CCDC7: variants seen among roughly 807,000 people sequenced by gnomAD.
The protein encoded by CCDC7 is coiled-coil domain containing 7, also known as coiled-coil domain-containing protein 7.
Under a neutral mutation model 196.9 loss-of-function variants are expected in CCDC7, and 183 were observed. That is an observed-to-expected ratio of 0.93 (90% CI 0.82 to 1.05). The LOEUF (loss-of-function observed/expected upper bound fraction) is 1.05. Among genes scored for constraint, CCDC7 ranks in the 50% least tolerant of loss-of-function variants. The probability of loss-of-function intolerance (pLI) is 0.00; values close to 1 mark genes in which losing one functional copy is unlikely to be tolerated. For missense variants in CCDC7, 1,540 were observed against 1,482.2 expected (o/e 1.04, Z -0.64); for synonymous variants, 525 against 484.6 (o/e 1.08, Z -1.10).
chr10:32,542,949 G>A (rs1292452386), intron 11 of CCDC7, among the ~76,000 whole-genome samples: 1 of 152,018 alleles, frequency 6.6e-6, no homozygotes, highest in Non-Finnish European at 1.5e-5. Flanking sequence ...TGCAAGATGT[G>A]CACCTAACCC....
At chr10:32,557,663 A>T (rs1202672310) in intron 13 of CCDC7, among the ~76,000 whole-genome samples, 1 of 152,162 alleles carries the variant, frequency 6.6e-6, no homozygotes, top group Non-Finnish European at 1.5e-5. Flanking sequence ...TTCAGATATT[A>T]TGATTTTCAG....
intron 24 of CCDC7, among the ~76,000 whole-genome samples, chr10:32,702,474 T>C (rs1029466070): frequency 3.3e-5 from 5 of 152,224 alleles, no homozygotes; most frequent in African/African-American, 1.2e-4. Context: ...TGTGGTGTGA[T>C]GCTGAGAAGA....
chr10:32,476,471 T>G (rs1055605931), intron 8 of CCDC7, among the ~76,000 whole-genome samples: 1 of 152,234 alleles, frequency 6.6e-6, no homozygotes, highest in Admixed American at 6.5e-5. Context: ...TGAAAGGGCA[T>G]CTTGGTTGTT....
Position 32,583,274 on chromosome 10 carries a change from CA to C in CCDC7, c.1696del (p.Ile566PhefsTer22), listed in dbSNP as rs1451557689. 5.7e-6 allele frequency: 7 copies of C among 1,231,204 alleles called. No homozygotes were observed. The Admixed American group carries it at 1.7e-4, about 30-fold the overall frequency. The allele number at this position is 1,231,204 out of a possible 1,614,324, so 76.3% of individuals were successfully genotyped here. A position where few individuals can be genotyped will look rare whatever the true frequency, so the allele number is the denominator to read the frequency against. On this transcript the variant is annotated frameshift_variant, in exon 17 of 42. Coordinates refer to ENST00000639629, the Ensembl canonical transcript of CCDC7. The stretch of plus-strand genomic sequence containing the variant: ...AAAACGAAACAGTGATATCACCATT[CA>C]TTTTACCTCCTGTTCTTACAGAAAG...
chr10:32,564,528 A>T (rs2056418944), intron 13 of CCDC7, among the ~76,000 whole-genome samples: 1 of 152,114 alleles, frequency 6.6e-6, no homozygotes. Context: ...GGAAATCATC[A>T]TTCTCAGTAA....
intron 11 of CCDC7, among the ~76,000 whole-genome samples, chr10:32,542,217 C>A (rs1393031817): frequency 6.6e-6 from 1 of 152,108 alleles, no homozygotes; most frequent in Non-Finnish European, 1.5e-5. Context: ...TACTTTAAAA[C>A]CTGATTAGTT....
Position 32,596,975 on chromosome 10 carries a change from A to T in CCDC7, c.1801+12671A>T, listed in dbSNP as rs539557074. Among the ~76,000 whole-genome samples, 11 of 152,070 alleles carry T rather than the reference A, an allele frequency of 7.2e-5. No homozygotes were observed. The South Asian group carries it at 8.3e-4, about 12-fold the overall frequency. On this transcript the variant is annotated intron_variant, in intron 18 of 41. Transcript: ENST00000639629. ...TAACATTTTTTTGTTTTTCATTTCA[A>T]CGTTGGTGAATTTGACAATTATGCG...
At chr10:32,711,758 T>C (rs2080872994) in intron 25 of CCDC7, 28 bp downstream of exon 26, 1 of 1,326,014 alleles carries the variant, frequency 7.5e-7, no homozygotes, top group African/African-American at 1.5e-5. Flanking sequence ...AGCTATTTTA[T>C]ATTATTTTAA....
intron 20 of CCDC7, among the ~76,000 whole-genome samples, chr10:32,639,341 G>T (rs1470013797): frequency 3.3e-5 from 5 of 151,956 alleles, no homozygotes; most frequent in Non-Finnish European, 5.9e-5. Flanking sequence ...GTCCATTTTA[G>T]ATCTTTCCTG....
At chr10:32,719,837 T>C (rs1322111846) in intron 25 of CCDC7, among the ~76,000 whole-genome samples, 1 of 152,064 alleles carries the variant, frequency 6.6e-6, no homozygotes, top group Non-Finnish European at 1.5e-5. Flanking sequence ...TCACATCAAT[T>C]AGAATGGTGA....
At chr10:32,654,420 G>C (rs1195559272) in intron 20 of CCDC7, among the ~76,000 whole-genome samples, 5 of 152,132 alleles carry the variant, frequency 3.3e-5, no homozygotes, top group Non-Finnish European at 7.3e-5. Context: ...TAAATAATAT[G>C]ATGTGAAATT....
chr10:32,666,976 G>T (rs2072916241), intron 21 of CCDC7, among the ~76,000 whole-genome samples: 1 of 152,160 alleles, frequency 6.6e-6, no homozygotes, highest in Admixed American at 6.6e-5. Flanking sequence ...GGTTGAACTA[G>T]TTTACAGTCC....
At chr10:32,465,759 C>T (rs2036639926) in intron 5 of CCDC7, among the ~76,000 whole-genome samples, 1 of 152,122 alleles carries the variant, frequency 6.6e-6, no homozygotes, top group African/African-American at 2.4e-5. Context: ...CCCTGAACTC[C>T]AGGCTTTGTA....
At chr10:32,453,243 GTAAAAAGGTCCTGGCATAATTGAT>G in intron 1 of CCDC7, 77 bp from the exon 3 acceptor site, 1 of 897,230 alleles carries the variant, frequency 1.1e-6, no homozygotes, top group Non-Finnish European at 1.5e-6. Flanking sequence ...AGTCTTACTG[GTAAAAAGGTCCTGGCATAATTGAT>G]TAAATATTAT....
At chr10:32,632,707 T>C (rs1332845963) in intron 18 of CCDC7, among the ~76,000 whole-genome samples, 1 of 152,142 alleles carries the variant, frequency 6.6e-6, no homozygotes, top group East Asian at 1.9e-4. Flanking sequence ...ATTGGTCATT[T>C]AGGAGTGTGT....
chr10:32,640,712 A>G (rs2139828257), intron 20 of CCDC7, among the ~76,000 whole-genome samples: 1 of 152,250 alleles, frequency 6.6e-6, no homozygotes, highest in African/African-American at 2.4e-5. Flanking sequence ...TGGTGGTGAC[A>G]AAATCTGTCA....
At chr10:32,646,216 A>G (rs893283406) in intron 20 of CCDC7, among the ~76,000 whole-genome samples, 4 of 148,260 alleles carry the variant, frequency 2.7e-5, no homozygotes, top group Non-Finnish European at 4.5e-5. Context: ...AGGCTTTTGT[A>G]TGTTGTATTT....
In CCDC7 at chr10:32,486,452, A is replaced by G. The variant is rs186639543; in HGVS notation, c.797-5470A>G. Among the ~76,000 whole-genome samples the G allele has an allele frequency of 1.2e-3, 176 of 151,026 alleles. 1 individual carries two copies. Among genetic ancestry groups the G allele is most frequent in the African/African-American group, 3.9e-3 (160 of 41,108 alleles). ...CTGATGGGTCTTGAGTCTTTATCCA[A>G]TTTGCCAGTCTGTGTCTTTTAATGG... On this transcript the variant is annotated intron_variant, in intron 8 of 41. Coordinates refer to ENST00000639629, the Ensembl canonical transcript of CCDC7.
In CCDC7 at chr10:32,471,215, T is replaced by C. The variant is rs186523284; in HGVS notation, c.662T>C (p.Met221Thr). Residue 221 changes from methionine (M) to threonine (T), a missense_variant, in exon 6 of 42, where the codon ATG becomes ACG. Coordinates refer to ENST00000639629, the Ensembl canonical transcript of CCDC7. ...AGGTCTAAATCCTCCGTGAAAGTCA[T>C]GTTGTCTAAAACTATGTAAGTGAAA... 4.4e-6 allele frequency: 7 copies of C among 1,608,734 alleles called. No homozygotes were observed. In the East Asian group the frequency reaches 1.6e-4, roughly 36 times the overall value.
Sources: allele counts gnomAD v4.1 joint callset (sites outside exome capture counted in the v4.1 genomes callset), GRCh38; gene constraint gnomAD v4.1.1; transcripts MANE v1.5; gene names NCBI Gene and HGNC (gene_info 2026-07-23, HGNC 2026-07-21).